The following SLC25A29 variants were observed in gnomAD, a reference collection of about 807,000 sequenced individuals.
SLC25A29 encodes solute carrier family 25 member 29, also known as mitochondrial basic amino acids transporter.
A neutral mutation model predicts 10.0 loss-of-function variants in SLC25A29; 13 were observed. The ratio of observed to expected loss-of-function variants is 1.30; its 90% CI spans 0.85 to 2.07. SLC25A29 has a LOEUF of 2.07. Among genes scored for constraint, SLC25A29 ranks in the 30% most tolerant of loss-of-function variants. The pLI, the probability that SLC25A29 is intolerant of heterozygous loss-of-function variation, is 0.00. For synonymous variants in SLC25A29, 244 were observed against 221.1 expected (o/e 1.10, Z -0.92); for missense variants, 475 against 447.6 (o/e 1.06, Z -0.55).
rs1891662679 is a variant in SLC25A29, at chr14:100,291,165, A to C, written c.*1118T>G. 6.6e-6 allele frequency: 1 copy of C among 152,228 alleles called. No homozygotes were observed. The highest frequency in any genetic ancestry group is 1.5e-5 in the Non-Finnish European group (1 of 68,048). The allele number at this position is 152,228 out of a possible 1,614,324, so 9.4% of individuals were successfully genotyped here. A position where few individuals can be genotyped will look rare whatever the true frequency, so the allele number is the denominator to read the frequency against. ...CCCTTGACAGTTTCTGTACAGCGAC[A>C]CCAGGCTGTGCAAAGCCCAGTGTCG... is the stretch of plus-strand genomic sequence containing the variant. On this transcript the variant is annotated 3_prime_UTR_variant, in exon 4 of 4. Coordinates refer to ENST00000359232, the MANE Select transcript of SLC25A29 (RefSeq NM_001039355.3).
the SLC25A29 span, chr14:100,278,627 T>C: frequency 3.9e-5 from 6 of 152,244 alleles, no homozygotes; most frequent in Non-Finnish European, 7.3e-5. Context: ...ATGAAAGCGA[T>C]GCATGGATAT....
At chr14:100,283,518 G>T in the SLC25A29 span, among the ~76,000 whole-genome samples, 1 of 144,272 alleles carries the variant, frequency 6.9e-6, no homozygotes, top group African/African-American at 2.6e-5. Flanking sequence ...GAGTATTGCT[G>T]TGTCTCCCAG....
At chr14:100,289,114 C>T (rs994525312), downstream of SLC25A29, among the ~76,000 whole-genome samples, 3 of 152,212 alleles carry the variant, frequency 2.0e-5, no homozygotes, top group Non-Finnish European at 4.4e-5. Flanking sequence ...CCCCCAGAAG[C>T]TTGGAAGAAG....
At chr14:100,284,428 G>A in the SLC25A29 span, among the ~76,000 whole-genome samples, 1 of 152,086 alleles carries the variant, frequency 6.6e-6, no homozygotes, top group Non-Finnish European at 1.5e-5. Context: ...CTCCCCACAC[G>A]GCCTTTCTGC....
intron 1 of SLC25A29, chr14:100,299,814 C>A (rs1892421318): frequency 2.0e-6 from 2 of 985,356 alleles, no homozygotes; most frequent in Admixed American, 6.1e-5. Context: ...TCTCCCTTTA[C>A]TGCCAGTAGC....
Position 100,292,654 on chromosome 14 carries a change from A to T in SLC25A29, c.541T>A (p.Cys181Ser), listed in dbSNP as rs749569035. The T allele has an allele frequency of 6.3e-7, 1 of 1,597,582 alleles. No homozygotes were observed. Among genetic ancestry groups the T allele is most frequent in the South Asian group, 1.1e-5 (1 of 88,930 alleles). Residue 181 changes from cysteine to serine, a missense_variant, in exon 4 of 4, where the codon TGC (cysteine) becomes AGC (serine). By Grantham distance (112) the Cys-to-Ser change is moderately radical. Coordinates refer to ENST00000359232, the MANE Select transcript of SLC25A29 (RefSeq NM_001039355.3). ...ACCAGCAGGCGGTCGCCCGGCTCGCAGCCCAGCGCCCGCGTGAGAGCGTCA... is the reference window on the plus strand; with the variant it reads ...ACCAGCAGGCGGTCGCCCGGCTCGCTGCCCAGCGCCCGCGTGAGAGCGTCA... ...TYDALTRALG[C>S]EPGDRLLVPK...
At chr14:100,284,262 A>C in the SLC25A29 span, among the ~76,000 whole-genome samples, 1 of 152,086 alleles carries the variant, frequency 6.6e-6, no homozygotes, top group Non-Finnish European at 1.5e-5. Flanking sequence ...GTCCCCTTTC[A>C]AAAAAGCCCT....
In SLC25A29 at chr14:100,291,686, A is replaced by C. The variant is rs978687887; in HGVS notation, c.*597T>G. 38 of 163,742 alleles carry C rather than the reference A, an allele frequency of 2.3e-4. No individual in the cohort carries two copies. The highest frequency in any genetic ancestry group is 9.0e-4 in the Admixed American group (15 of 16,746). The allele number at this position is 163,742 out of a possible 1,614,324, so 10.1% of individuals were successfully genotyped here. On this transcript the variant is annotated 3_prime_UTR_variant, in exon 4 of 4. Coordinates refer to ENST00000359232, the MANE Select transcript of SLC25A29 (RefSeq NM_001039355.3). Reference sequence around the variant, plus strand: ...GCTTCCCGGAGGGTGCAGGGTCCCCAGTTCACCCTCCAGCAGGAGTGGCAG... The same window carrying C: ...GCTTCCCGGAGGGTGCAGGGTCCCCCGTTCACCCTCCAGCAGGAGTGGCAG...
At chr14:100,287,394 T>C (rs1429558935), downstream of SLC25A29, among the ~76,000 whole-genome samples, 1 of 152,234 alleles carries the variant, frequency 6.6e-6, no homozygotes, top group African/African-American at 2.4e-5. Flanking sequence ...CCTTCCACGC[T>C]TTAAGCCTCC....
intron 2 of SLC25A29, chr14:100,298,565 G>A (rs1304083183): frequency 1.8e-6 from 1 of 551,866 alleles, no homozygotes; most frequent in African/African-American, 1.9e-5. Context: ...GTTCTGCATG[G>A]GAACATGTGG....
the SLC25A29 span, among the ~76,000 whole-genome samples, chr14:100,285,174 T>C: frequency 6.6e-6 from 1 of 151,676 alleles, no homozygotes; most frequent in Non-Finnish European, 1.5e-5. Flanking sequence ...CCTAGGAATA[T>C]CCCGGGAGCT....
Position 100,292,468 on chromosome 14 carries a change from C to T in SLC25A29, c.727G>A (p.Gly243Ser). The T allele has an allele frequency of 7.6e-6, 12 of 1,581,356 alleles. No individual in the cohort carries two copies. Among genetic ancestry groups the T allele is most frequent in the Non-Finnish European group, 9.4e-6 (11 of 1,165,608 alleles). The change falls in exon 4 of 4, where the codon GGC becomes AGC. Residue 243 changes from glycine (G) to serine (S), a missense_variant. Coordinates refer to ENST00000359232, the MANE Select transcript of SLC25A29 (RefSeq NM_001039355.3). ...AGCCCCCGTGTGAAGACGCGCCAGC[C>T]CTCGGCGCGGTAGCTCTGGTGCACG... ...DCVHQSYRAE[G>S]WRVFTRGLAS... is the part of the protein sequence containing the mutation.
At chr14:100,299,481 C>T in intron 1 of SLC25A29, 1 of 987,392 alleles carries the variant, frequency 1.0e-6, no homozygotes, top group Non-Finnish European at 1.2e-6. Flanking sequence ...TGGCTGATAC[C>T]TCCGTCCCCT....
At chr14:100,287,197 T>C (rs988369946), downstream of SLC25A29, among the ~76,000 whole-genome samples, 14 of 152,250 alleles carry the variant, frequency 9.2e-5, no homozygotes, top group Non-Finnish European at 2.9e-5. Context: ...ATTCACTCCA[T>C]GCACCTGATG....
chr14:100,305,634 C>G (rs925721956), intron 1 of SLC25A29: 1 of 150,490 alleles, frequency 6.6e-6, no homozygotes, highest in Non-Finnish European at 1.5e-5. Context: ...CCACCCACCA[C>G]CCCCCTTCCG....
intron 1 of SLC25A29, among the ~76,000 whole-genome samples, chr14:100,300,960 T>C (rs777264938): frequency 8.7e-4 from 132 of 152,102 alleles, no homozygotes; most frequent in Non-Finnish European, 1.6e-3. Context: ...AGTGTAGTGT[T>C]GCGGTCTCGG....
At chr14:100,300,004 C>T (rs1487193556) in intron 1 of SLC25A29, 5 of 983,404 alleles carry the variant, frequency 5.1e-6, no homozygotes, top group Non-Finnish European at 6.0e-6. Context: ...GGTGTGGTGG[C>T]TCACGCCTGT....
rs768590052 is a variant in SLC25A29, at chr14:100,293,297, C to T, written c.159G>A (p.Glu53=). ...CCCACCAGCCCAGGCCACTCACGCTCTCTTGCTTGATGATGGACTTGAAGC... is the reference window on the plus strand; with the variant it reads ...CCCACCAGCCCAGGCCACTCACGCTTTCTTGCTTGATGATGGACTTGAAGC... ...LHCFKSIIKQ[E]SVLGLYKGLG... Residue 53 remains glutamate, a synonymous_variant, in exon 3 of 4, where the codon GAG becomes GAA. Coordinates refer to ENST00000359232, the MANE Select transcript of SLC25A29 (RefSeq NM_001039355.3). 4 of 1,613,220 alleles carry T rather than the reference C, an allele frequency of 2.5e-6. No homozygotes were observed. The highest frequency in any genetic ancestry group is 3.4e-6 in the Non-Finnish European group (4 of 1,179,960).
chr14:100,297,455 C>T (rs1265150291), intron 2 of SLC25A29, among the ~76,000 whole-genome samples: 5 of 152,210 alleles, frequency 3.3e-5, no homozygotes, highest in African/African-American at 4.8e-5. Context: ...CAGGCCTCCA[C>T]GGAGCTGGAA....
Sources: gnomAD v4.1 joint callset for allele counts (sites outside exome capture counted in the v4.1 genomes callset) on GRCh38, gnomAD v4.1.1 for gene constraint, MANE v1.5 for transcripts, NCBI Gene and HGNC (gene_info 2026-07-23, HGNC 2026-07-21) for gene names.